EPHB1: variants seen among roughly 807,000 people sequenced by gnomAD.
EPHB1 encodes the protein EPH receptor B1, also known as ephrin type-B receptor 1.
Under a neutral mutation model 94.4 loss-of-function variants are expected in EPHB1, and 30 were observed. That is an observed-to-expected ratio of 0.32 (90% CI 0.24 to 0.43). EPHB1 has a LOEUF of 0.43. Ranked by LOEUF, EPHB1 falls within the 20% of genes least tolerant of loss-of-function variation. EPHB1 has a pLI of 1.00. For synonymous variants in EPHB1, 522 were observed against 489.1 expected (o/e 1.07, Z -0.89); for missense variants, 1,055 against 1,308.3 (o/e 0.81, Z 2.99).
At chr3:135,102,636 C>A (rs1049126171) in intron 3 of EPHB1, among the ~76,000 whole-genome samples, 11 of 151,990 alleles carry the variant, frequency 7.2e-5, no homozygotes, top group Admixed American at 1.3e-4. Context: ...GAGCATATAC[C>A]CAAAAGATTA....
intron 10 of EPHB1, 104 bp downstream of exon 10, chr3:135,180,086 G>A: frequency 7.4e-7 from 1 of 1,349,964 alleles, no homozygotes; most frequent in Non-Finnish European, 1.0e-6. Context: ...ATTAGGAGGA[G>A]AGCTTCTATC....
At chr3:135,230,122 T>C (rs1308741720) in intron 12 of EPHB1, among the ~76,000 whole-genome samples, 2 of 152,122 alleles carry the variant, frequency 1.3e-5, no homozygotes, top group Non-Finnish European at 2.9e-5. Context: ...TTCCTGCCAT[T>C]GTCAGAGAAG....
chr3:134,883,008 G>C (rs917779672), intron 1 of EPHB1, among the ~76,000 whole-genome samples: 4 of 151,870 alleles, frequency 2.6e-5, no homozygotes, highest in Non-Finnish European at 4.4e-5. Context: ...ATTTTTACTA[G>C]AGATGGGGTT....
intron 8 of EPHB1, among the ~76,000 whole-genome samples, chr3:135,166,515 G>A (rs997792565): frequency 6.6e-6 from 1 of 152,198 alleles, no homozygotes; most frequent in African/African-American, 2.4e-5. Context: ...CTGCAGAAAA[G>A]CTGGCCCCGA....
chr3:135,232,854 G>T (rs116486833), intron 12 of EPHB1, among the ~76,000 whole-genome samples: 135 of 152,270 alleles, frequency 8.9e-4, no homozygotes, highest in African/African-American at 3.2e-3. Context: ...GCAGCAAGAA[G>T]TGCCAAGCAA....
intron 2 of EPHB1, among the ~76,000 whole-genome samples, chr3:134,936,557 G>T (rs1461537192): frequency 6.6e-6 from 1 of 152,096 alleles, no homozygotes. Flanking sequence ...CTCAGTGTCA[G>T]TGGGGCTGAA....
intron 3 of EPHB1, among the ~76,000 whole-genome samples, chr3:135,100,678 C>T (rs1258248672): frequency 6.6e-6 from 1 of 152,076 alleles, no homozygotes; most frequent in Non-Finnish European, 1.5e-5. Flanking sequence ...AGTCTGTGTG[C>T]AGGGACAGGA....
rs569424702 is a variant in EPHB1, at chr3:135,061,123, T to C, written c.806-45325T>C. 6.6e-5 allele frequency among the ~76,000 whole-genome samples: 10 copies of C among 152,270 alleles called. No individual in the cohort carries two copies. The South Asian group carries it at 1.7e-3, about 25-fold the overall frequency. On this transcript the variant is annotated intron_variant, in intron 3 of 15. Coordinates refer to ENST00000398015, the MANE Select transcript of EPHB1 (RefSeq NM_004441.5). ...ATCCAAGTTGTTGCAAATGATTGGA[T>C]CTCATTTAAAAAAAAATTTCCATAG...
chr3:135,041,920 G>A (rs965304866), intron 3 of EPHB1, among the ~76,000 whole-genome samples: 1 of 151,980 alleles, frequency 6.6e-6, no homozygotes, highest in Non-Finnish European at 1.5e-5. Flanking sequence ...CAAAAGAGGG[G>A]ATTGAACTCC....
chr3:134,815,322 G>A (rs565596266), intron 1 of EPHB1, among the ~76,000 whole-genome samples: 31 of 152,232 alleles, frequency 2.0e-4, no homozygotes, highest in Admixed American at 5.2e-4. Context: ...TGGCCATGAT[G>A]TATGCTACCT....
At chr3:134,852,974 A>G (rs78198247) in intron 1 of EPHB1, among the ~76,000 whole-genome samples, 251 of 152,282 alleles carry the variant, frequency 1.6e-3, no homozygotes, top group Middle Eastern at 3.4e-3. Context: ...CCATACTGTC[A>G]GAGGGCAGGT....
chr3:135,222,994 G>A (rs964508683), intron 12 of EPHB1, among the ~76,000 whole-genome samples: 10 of 152,178 alleles, frequency 6.6e-5, no homozygotes, highest in African/African-American at 2.4e-4. Flanking sequence ...ACTAAAATAT[G>A]TATATGAAAT....
chr3:134,796,273 C>G (rs542177612), intron 1 of EPHB1: 2 of 162,040 alleles, frequency 1.2e-5, no homozygotes, highest in African/African-American at 4.8e-5. Flanking sequence ...GTTCATTGGC[C>G]GTACCCTTGG....
At chr3:134,864,597 C>G (rs1202493274) in intron 1 of EPHB1, among the ~76,000 whole-genome samples, 1 of 152,186 alleles carries the variant, frequency 6.6e-6, no homozygotes, top group Non-Finnish European at 1.5e-5. Context: ...ATCAGTGAAC[C>G]TGAAGGAGGG....
At chr3:135,120,847 T>C (rs1406546385) in intron 4 of EPHB1, among the ~76,000 whole-genome samples, 1 of 152,208 alleles carries the variant, frequency 6.6e-6, no homozygotes, top group East Asian at 1.9e-4. Context: ...TGGAAAATTA[T>C]GACAACTAGA....
At chr3:135,077,799 T>G (rs1937997170) in intron 3 of EPHB1, among the ~76,000 whole-genome samples, 1 of 152,168 alleles carries the variant, frequency 6.6e-6, no homozygotes, top group South Asian at 2.1e-4. Context: ...GCAGAGGCAT[T>G]TGTGGTTGAC....
At chr3:134,818,592 T>A (rs547916333) in intron 1 of EPHB1, among the ~76,000 whole-genome samples, 1 of 152,340 alleles carries the variant, frequency 6.6e-6, no homozygotes, top group African/African-American at 2.4e-5. Context: ...TGCCTTTGCA[T>A]CCTCATAGCT....
At chr3:134,865,903 T>A (rs1293213879) in intron 1 of EPHB1, among the ~76,000 whole-genome samples, 1 of 152,230 alleles carries the variant, frequency 6.6e-6, no homozygotes, top group Admixed American at 6.5e-5. Flanking sequence ...CAACATAATA[T>A]ATGCTTATAG....
chr3:135,214,749 G>A (rs1282445070), intron 12 of EPHB1, among the ~76,000 whole-genome samples: 1 of 152,178 alleles, frequency 6.6e-6, no homozygotes, highest in African/African-American at 2.4e-5. Flanking sequence ...GCTGAAATCT[G>A]TAGGGCCCTT....
Sources: allele counts gnomAD v4.1 joint callset (sites outside exome capture counted in the v4.1 genomes callset), GRCh38; gene constraint gnomAD v4.1.1; transcripts MANE v1.5; gene names NCBI Gene and HGNC (gene_info 2026-07-23, HGNC 2026-07-21).